GIN1: variants seen among roughly 807,000 people sequenced by gnomAD.
The protein encoded by GIN1 is gypsy retrotransposon integrase 1.
Under a neutral mutation model 51.4 loss-of-function variants are expected in GIN1, and 41 were observed. The ratio of observed to expected loss-of-function variants is 0.80; its 90% CI spans 0.62 to 1.04. The LOEUF (loss-of-function observed/expected upper bound fraction) is 1.04, where lower values mean the gene tolerates loss of function less well. Ranked by LOEUF, GIN1 falls within the 50% of genes least tolerant of loss-of-function variation. GIN1 has a pLI of 0.00. For missense variants in GIN1, 610 were observed against 612.4 expected (o/e 1.00, Z 0.04); for synonymous variants, 222 against 206.5 (o/e 1.07, Z -0.64).
At chr5:103,092,945 CAAAAAAAA>C (rs5870040) in intron 7 of GIN1, among the ~76,000 whole-genome samples, 15 of 60,490 alleles carry the variant, frequency 2.5e-4, no homozygotes, top group Non-Finnish European at 3.7e-4. Flanking sequence ...GAACCTGTCT[CAAAAAAAA>C]AAAAAAAAAA....
At chr5:103,092,529 G>C (rs1787272374) in intron 7 of GIN1, among the ~76,000 whole-genome samples, 1 of 152,064 alleles carries the variant, frequency 6.6e-6, no homozygotes, top group Non-Finnish European at 1.5e-5. Flanking sequence ...CAAACTATTA[G>C]AATGTGCTGC....
At chr5:103,099,218 G>T (rs1235861892) in intron 4 of GIN1, among the ~76,000 whole-genome samples, 1 of 152,078 alleles carries the variant, frequency 6.6e-6, no homozygotes, top group African/African-American at 2.4e-5. Flanking sequence ...AGTAAAAGTT[G>T]TTAGGCAAAC....
chr5:103,106,910 C>A lies in GIN1; in HGVS notation c.140-1G>T. The A allele has an allele frequency of 6.6e-7, 1 of 1,524,090 alleles. No homozygotes were observed. Among genetic ancestry groups the A allele is most frequent in the Non-Finnish European group, 8.9e-7 (1 of 1,125,948 alleles). 94.4% of individuals were successfully genotyped at this position (1,524,090 alleles called of 1,614,324 possible). Reference sequence around the variant, plus strand: ...TTTCCAACATAAAACAGCTTTTTTTCTGGAATAAATGATACCAAAAGATAG... The same window carrying A: ...TTTCCAACATAAAACAGCTTTTTTTATGGAATAAATGATACCAAAAGATAG... On this transcript the variant is annotated splice_acceptor_variant, in intron 2 of 7. Transcript: ENST00000399004. LOFTEE classifies it high-confidence loss of function.
intron 7 of GIN1, among the ~76,000 whole-genome samples, chr5:103,091,560 A>G (rs1344141849): frequency 6.6e-6 from 1 of 152,248 alleles, no homozygotes; most frequent in African/African-American, 2.4e-5. Flanking sequence ...TGATGAAAGC[A>G]TCATTTTGGT....
At chr5:103,109,956 T>C (rs1456460625) in intron 1 of GIN1, among the ~76,000 whole-genome samples, 3 of 152,116 alleles carry the variant, frequency 2.0e-5, no homozygotes, top group South Asian at 2.1e-4. Context: ...TCAATACGTT[T>C]ACAATGAAGA....
At chr5:103,098,813 A>G (rs1377217881) in intron 4 of GIN1, among the ~76,000 whole-genome samples, 2 of 152,194 alleles carry the variant, frequency 1.3e-5, no homozygotes, top group African/African-American at 4.8e-5. Context: ...CCACTAGGTC[A>G]TAAGTTAATG....
At chr5:103,102,559 G>A (rs1267329234) in intron 4 of GIN1, 5 of 152,210 alleles carry the variant, frequency 3.3e-5, no homozygotes, top group African/African-American at 1.2e-4. Context: ...CAAGGTCTGA[G>A]AAGTTAAGCA....
At chr5:103,117,581 T>TATATATACACACACACACACACACAC (rs5870042) in intron 1 of GIN1, among the ~76,000 whole-genome samples, 122 of 149,482 alleles carry the variant, frequency 8.2e-4, no homozygotes, top group Non-Finnish European at 1.3e-3. Flanking sequence ...GAAAAAAATA[T>TATATATACACACACACACACACACAC]ACACACACAC....
Position 103,108,636 on chromosome 5 carries a change from A to T in GIN1, c.72T>A (p.Tyr24Ter). 1 of 1,602,640 alleles carries T rather than the reference A, an allele frequency of 6.2e-7. No individual in the cohort carries two copies. ...TCTCACTTGGCAGTGTAGTTGAATG[A>T]TATTCACCAGTTCGTTTGTAATATG... ...QIAYYKRTGEYHSTTLPSERS... is the reference protein window; with the variant it reads ...QIAYYKRTGE The change falls in exon 2 of 8, where the codon TAT (tyrosine) becomes TAA (stop). Residue 24 changes from tyrosine (Y) to a stop codon, truncating the protein, a stop_gained. Transcript: ENST00000399004. LOFTEE classifies it high-confidence loss of function.
intron 2 of GIN1, 87 bp from the exon 3 acceptor site, chr5:103,106,996 T>C (rs376436149): frequency 1.5e-6 from 1 of 679,244 alleles, no homozygotes. Context: ...CTTTAAACCA[T>C]GAAGGTTTTT....
intron 4 of GIN1, among the ~76,000 whole-genome samples, chr5:103,100,393 T>C (rs1787536078): frequency 1.3e-5 from 2 of 151,474 alleles, no homozygotes; most frequent in Non-Finnish European, 2.9e-5. Context: ...CCTATTATTA[T>C]TATTATTATT....
chr5:103,104,281 A>C (rs1787659107), intron 4 of GIN1, among the ~76,000 whole-genome samples: 1 of 152,180 alleles, frequency 6.6e-6, no homozygotes, highest in Non-Finnish European at 1.5e-5. Flanking sequence ...AAGTAAATAA[A>C]GATTATTTGG....
intron 1 of GIN1, among the ~76,000 whole-genome samples, chr5:103,118,965 T>C (rs1788209890): frequency 6.6e-6 from 1 of 152,186 alleles, no homozygotes; most frequent in Non-Finnish European, 1.5e-5. Flanking sequence ...TTACTTAATG[T>C]ACTTAAACAT....
chr5:103,118,323 T>C (rs1554197643), intron 1 of GIN1, among the ~76,000 whole-genome samples: 1 of 151,616 alleles, frequency 6.6e-6, no homozygotes, highest in Non-Finnish European at 1.5e-5. Context: ...ACGAGGATGA[T>C]TAAAAGTCCT....
rs530562202 is a variant in GIN1 at position 103,104,703 on chromosome 5, T to C, written c.477A>G (p.Val159=). ...GPFHTSNRSH[V]YAIIMTDLFT... is the part of the protein sequence containing the mutation. ...ACAAATCTGTCATGATTATAGCATA[T>C]ACATGACTTCTGTTGCTTGTATGAA... Residue 159 remains valine (V), a synonymous_variant, in exon 4 of 8, where the codon GTA becomes GTG. Transcript: ENST00000399004. The C allele has an allele frequency of 6.2e-6, 10 of 1,612,564 alleles. No individual in the cohort carries two copies. Among genetic ancestry groups the C allele is most frequent in the East Asian group, 2.2e-5 (1 of 44,866 alleles).
At position 103,115,773 on chromosome 5, in the gene GIN1, A is replaced by C. The variant is rs572065804; in HGVS notation, c.-8+4291T>G. Among the ~76,000 whole-genome samples the C allele has an allele frequency of 3.3e-5, 5 of 152,232 alleles. No homozygotes were observed. The South Asian group carries it at 1.0e-3, about 32-fold the overall frequency. ...GACAAGGGAGTAACCCAAAAAGTTT[A>C]ATGCTAATGGAAGGGCTTCTAGAAA... On this transcript the variant is annotated intron_variant, in intron 1 of 7. Coordinates refer to ENST00000399004, the MANE Select transcript of GIN1 (RefSeq NM_017676.2).
chr5:103,098,378 T>C (rs1787468469), intron 4 of GIN1, among the ~76,000 whole-genome samples: 1 of 152,250 alleles, frequency 6.6e-6, no homozygotes, highest in African/African-American at 2.4e-5. Context: ...AAAGGTAAGA[T>C]ACTGAAGCTT....
At chr5:103,093,917 C>T (rs1038047153) in intron 7 of GIN1, among the ~76,000 whole-genome samples, 36 of 152,174 alleles carry the variant, frequency 2.4e-4, no homozygotes, top group African/African-American at 7.7e-4. Context: ...TGAATGTGCT[C>T]ACTCTACATT....
At chr5:103,095,453 C>T (rs1198936138) in intron 7 of GIN1, among the ~76,000 whole-genome samples, 1 of 152,208 alleles carries the variant, frequency 6.6e-6, no homozygotes, top group Non-Finnish European at 1.5e-5. Flanking sequence ...CCCCACTCTG[C>T]ACCCACACCT....
Sources: gnomAD v4.1 joint callset for allele counts (sites outside exome capture counted in the v4.1 genomes callset) on GRCh38, gnomAD v4.1.1 for gene constraint, MANE v1.5 for transcripts, NCBI Gene and HGNC (gene_info 2026-07-23, HGNC 2026-07-21) for gene names.